Variants in DYM observed in about 807,000 individuals in gnomAD.
DYM encodes dymeclin, also known as dyggve-Melchior-Clausen syndrome protein.
In DYM, 78 loss-of-function variants were observed where a neutral mutation model predicts 93.1. The observed-to-expected ratio is 0.84, with a 90% CI of 0.70 to 1.01. The LOEUF (loss-of-function observed/expected upper bound fraction) is 1.01. Among genes scored for constraint, DYM ranks in the 50% least tolerant of loss-of-function variants. The pLI, the probability that DYM is intolerant of heterozygous loss-of-function variation, is 0.00. For missense variants in DYM, 789 were observed against 845.0 expected, an observed-to-expected ratio of 0.93 and a Z score of 0.82; for synonymous variants, 321 against 319.7, an observed-to-expected ratio of 1.00 and a Z score of -0.04.
intron 16 of DYM, among the ~76,000 whole-genome samples, chr18:49,102,402 A>G (rs951324843): frequency 6.6e-6 from 1 of 151,368 alleles, no homozygotes; most frequent in Non-Finnish European, 1.5e-5. Flanking sequence ...GTATTTGGAG[A>G]TTTTCCAGAT....
At chr18:49,049,783 T>C (rs1422178629) in intron 17 of DYM, 1 of 154,350 alleles carries the variant, frequency 6.5e-6, no homozygotes, top group Non-Finnish European at 1.5e-5. Context: ...CCCATTTCTC[T>C]TACAAGCCCA....
At chr18:49,131,277 C>G (rs2144092044) in intron 15 of DYM, among the ~76,000 whole-genome samples, 1 of 152,332 alleles carries the variant, frequency 6.6e-6, no homozygotes, top group East Asian at 1.9e-4. Flanking sequence ...TGTGTCCTCA[C>G]AGGGCCTTCT....
chr18:49,276,136 T>G (rs1177393341), intron 10 of DYM, among the ~76,000 whole-genome samples: 2 of 152,176 alleles, frequency 1.3e-5, no homozygotes, highest in Middle Eastern at 3.2e-3. Flanking sequence ...CAGACATCCT[T>G]GTTTTGTGGC....
chr18:49,148,883 T>C (rs1021311887), intron 15 of DYM, among the ~76,000 whole-genome samples: 1 of 152,218 alleles, frequency 6.6e-6, no homozygotes. Flanking sequence ...TTTCCACGGA[T>C]GCAGGGTGGT....
At chr18:49,200,548 T>C (rs1377132831) in intron 14 of DYM, among the ~76,000 whole-genome samples, 1 of 151,934 alleles carries the variant, frequency 6.6e-6, no homozygotes, top group Non-Finnish European at 1.5e-5. Context: ...AATGGCTGTA[T>C]GATATTCCAT....
At chr18:49,100,066 T>C (rs944968503) in intron 16 of DYM, among the ~76,000 whole-genome samples, 1 of 152,160 alleles carries the variant, frequency 6.6e-6, no homozygotes, top group Non-Finnish European at 1.5e-5. Flanking sequence ...TGCCAAGCCC[T>C]ACAAGTTGAG....
chr18:49,221,651 C>G (rs1050978861), intron 13 of DYM, among the ~76,000 whole-genome samples: 3 of 152,038 alleles, frequency 2.0e-5, no homozygotes, highest in African/African-American at 7.3e-5. Context: ...TAAACTATCA[C>G]AAGGACAAAA....
At chr18:49,362,888 C>T (rs1375509380) in intron 6 of DYM, among the ~76,000 whole-genome samples, 1 of 152,192 alleles carries the variant, frequency 6.6e-6, no homozygotes, top group African/African-American at 2.4e-5. Context: ...TTCCAAAGAT[C>T]TATAAGATCT....
At chr18:49,313,462 C>CAAAAAAAAAAAAAAAAAAAAA (rs60775305) in intron 8 of DYM, among the ~76,000 whole-genome samples, 1 of 28,550 alleles carries the variant, frequency 3.5e-5, no homozygotes, top group Non-Finnish European at 6.3e-5. Context: ...GACTCTGTCA[C>CAAAAAAAAAAAAAAAAAAAAA]AAAAAAAAAA....
chr18:49,080,770 C>G (rs1415430476), intron 17 of DYM, among the ~76,000 whole-genome samples: 1 of 148,136 alleles, frequency 6.8e-6, no homozygotes, highest in African/African-American at 2.5e-5. Flanking sequence ...CGGAGGGGCT[C>G]CTCACTTCTC....
rs558010219 is a variant in DYM, at chr18:49,373,119, T to C, written c.421+5448A>G. Among the ~76,000 whole-genome samples the C allele has an allele frequency of 2.6e-5, 4 of 152,262 alleles. No homozygotes were observed. In the East Asian group the frequency reaches 7.7e-4, roughly 29 times the overall value. On this transcript the variant is annotated intron_variant, in intron 5 of 17. Transcript: ENST00000675505. ...CTTAATGGTATATAATGAAAAATAA[T>C]TTTATATTACAATAAAAATGATATT...
At chr18:49,151,223 C>T (rs181813705) in intron 15 of DYM, among the ~76,000 whole-genome samples, 1 of 152,160 alleles carries the variant, frequency 6.6e-6, no homozygotes, top group South Asian at 2.1e-4. Flanking sequence ...AAGTCTGATG[C>T]TTTTCATGTT....
Position 49,441,335 on chromosome 18 carries a change from TTATA to T in DYM, c.-53-10892_-53-10889del, listed in dbSNP as rs769945241. 2.9e-3 allele frequency among the ~76,000 whole-genome samples: 221 copies of T among 77,042 alleles called. 17 individuals carry two copies. The East Asian group carries it at 0.091, about 32-fold the overall frequency. The allele number at this position is 77,042 out of a possible 152,430, so 50.5% of individuals were successfully genotyped here. On this transcript the variant is annotated intron_variant, in intron 1 of 17. Coordinates refer to ENST00000675505, the MANE Select transcript of DYM (RefSeq NM_001353214.3). ...TAATATATAATTATATATAATATAA[TTATA>T]TATAATTAATATATAATTATATTAT...
intron 10 of DYM, among the ~76,000 whole-genome samples, chr18:49,275,502 G>A (rs1335261996): frequency 6.6e-6 from 1 of 152,078 alleles, no homozygotes; most frequent in East Asian, 1.9e-4. Context: ...TCTCTATAAA[G>A]AAGTCAACTA....
At chr18:49,316,376 G>A (rs1205076089) in intron 8 of DYM, among the ~76,000 whole-genome samples, 3 of 152,070 alleles carry the variant, frequency 2.0e-5, no homozygotes, top group Non-Finnish European at 4.4e-5. Context: ...GTTTTCACTG[G>A]CTTATTTTGT....
chr18:49,254,716 T>C (rs1219709088), intron 13 of DYM, among the ~76,000 whole-genome samples: 4 of 152,220 alleles, frequency 2.6e-5, no homozygotes, highest in Non-Finnish European at 1.5e-5. Flanking sequence ...ACCAGCTAAT[T>C]TGGCATTTTC....
intron 8 of DYM, among the ~76,000 whole-genome samples, chr18:49,323,006 C>A (rs182528822): frequency 1.3e-5 from 2 of 152,256 alleles, no homozygotes; most frequent in Admixed American, 6.5e-5. Flanking sequence ...CATCTACAGT[C>A]CAGTACGTCC....
intron 17 of DYM, among the ~76,000 whole-genome samples, chr18:49,053,689 A>G (rs1034312187): frequency 2.6e-5 from 4 of 152,172 alleles, no homozygotes; most frequent in Admixed American, 6.5e-5. Flanking sequence ...ACGCATTTAC[A>G]TTCTTTTTTT....
At chr18:49,257,805 G>T (rs552237180) in intron 12 of DYM, among the ~76,000 whole-genome samples, 39 of 151,420 alleles carry the variant, frequency 2.6e-4, no homozygotes, top group Non-Finnish European at 4.1e-4. Context: ...CTATGATTGT[G>T]CCACTGCACT....
Sources: gnomAD v4.1 joint callset for allele counts (sites outside exome capture counted in the v4.1 genomes callset) on GRCh38, gnomAD v4.1.1 for gene constraint, MANE v1.5 for transcripts, NCBI Gene and HGNC (gene_info 2026-07-23, HGNC 2026-07-21) for gene names.